The following PTCHD4 variants were observed in gnomAD, a reference collection of about 807,000 sequenced individuals.
The protein encoded by PTCHD4 is patched domain-containing protein 4.
Under a neutral mutation model 58.1 loss-of-function variants are expected in PTCHD4, and 33 were observed. That is an observed-to-expected ratio of 0.57 (90% CI 0.43 to 0.76). PTCHD4 has a LOEUF of 0.76. Among genes scored for constraint, PTCHD4 ranks in the 30% least tolerant of loss-of-function variants. PTCHD4 has a pLI of 0.00. For synonymous variants in PTCHD4, 478 were observed against 409.6 expected (o/e 1.17, Z -2.02); for missense variants, 1,058 against 1,027.1 (o/e 1.03, Z -0.41).
intron 4 of PTCHD4, among the ~76,000 whole-genome samples, chr6:47,886,858 A>C (rs759113145): frequency 6.6e-6 from 1 of 152,058 alleles, no homozygotes; most frequent in Non-Finnish European, 1.5e-5. Flanking sequence ...GATCTCTAAC[A>C]CTTTCCGCTT....
At position 47,972,784 on chromosome 6, in the gene PTCHD4, T is replaced by C. The variant is rs555928670; in HGVS notation, c.898+35850A>G. Among the ~76,000 whole-genome samples the C allele has an allele frequency of 5.3e-5, 8 of 152,194 alleles. No homozygotes were observed. In the South Asian group the frequency reaches 1.4e-3, roughly 28 times the overall value. ...TAATGTTAATGATGATGCTTCTAAG[T>C]GATGAGACTTGGAATTATTTTTTAC... On this transcript the variant is annotated intron_variant, in intron 4 of 4. Transcript: ENST00000339488.
intron 4 of PTCHD4, chr6:47,901,402 C>A: frequency 1.0e-6 from 1 of 966,798 alleles, no homozygotes. Context: ...TCCTTTAAAT[C>A]TCAAACACGA....
In PTCHD4 at chr6:47,872,019, C is replaced by T. The variant is rs553504838; in HGVS notation, c.*6284G>A. Among the ~76,000 whole-genome samples, 6 of 150,950 alleles carry T rather than the reference C, an allele frequency of 4.0e-5. No individual in the cohort carries two copies. The highest frequency in any genetic ancestry group is 2.0e-4 in the East Asian group (1 of 5,088). ...TGTACCAGGAGATGCAAGAATATGACGGCTTATTCTTTTTTTTTTTTCCCC... is the reference window on the plus strand; with the variant it reads ...TGTACCAGGAGATGCAAGAATATGATGGCTTATTCTTTTTTTTTTTTCCCC... On this transcript the variant is annotated 3_prime_UTR_variant, in exon 5 of 5. Transcript: ENST00000339488.
intron 3 of PTCHD4, among the ~76,000 whole-genome samples, chr6:48,060,744 G>C (rs1297962994): frequency 6.6e-6 from 1 of 152,172 alleles, no homozygotes; most frequent in Non-Finnish European, 1.5e-5. Flanking sequence ...CAAAGTGTTG[G>C]GATTGCAGGC....
chr6:48,067,636 T>C (rs370517259), intron 3 of PTCHD4, among the ~76,000 whole-genome samples: 2 of 152,078 alleles, frequency 1.3e-5, no homozygotes, highest in East Asian at 1.9e-4. Context: ...AGGCTGAAGA[T>C]GTAAATAGGT....
At chr6:48,060,619 G>A (rs900100923) in intron 3 of PTCHD4, among the ~76,000 whole-genome samples, 8 of 152,146 alleles carry the variant, frequency 5.3e-5, no homozygotes, top group Admixed American at 1.3e-4. Context: ...GTCCACAGGT[G>A]TGTACCACCA....
chr6:47,884,989 CGA>C (rs1164561141), intron 4 of PTCHD4, among the ~76,000 whole-genome samples: 2 of 152,034 alleles, frequency 1.3e-5, no homozygotes, highest in African/African-American at 4.8e-5. Context: ...ACTGCTATAG[CGA>C]GCTGGTATAC....
chr6:48,032,337 A>G (rs1302661524), intron 3 of PTCHD4, among the ~76,000 whole-genome samples: 2 of 152,110 alleles, frequency 1.3e-5, no homozygotes, highest in African/African-American at 4.8e-5. Context: ...TGTAAAGAGT[A>G]GCTTGATTAT....
At chr6:48,019,597 G>T (rs1214977838) in intron 3 of PTCHD4, among the ~76,000 whole-genome samples, 1 of 151,976 alleles carries the variant, frequency 6.6e-6, no homozygotes, top group African/African-American at 2.4e-5. Context: ...TTAGCTGGGC[G>T]TGGTGGGGGG....
intron 3 of PTCHD4, among the ~76,000 whole-genome samples, chr6:48,041,087 G>T (rs1763830064): frequency 6.6e-6 from 1 of 151,978 alleles, no homozygotes; most frequent in Non-Finnish European, 1.5e-5. Context: ...AGTTTCTTTG[G>T]ATTACAGTGA....
intron 3 of PTCHD4, among the ~76,000 whole-genome samples, chr6:48,023,993 G>A (rs1206576625): frequency 6.6e-6 from 1 of 152,114 alleles, no homozygotes; most frequent in Non-Finnish European, 1.5e-5. Flanking sequence ...TTTGAATGCT[G>A]ACTTGAGCAC....
intron 3 of PTCHD4, among the ~76,000 whole-genome samples, chr6:48,058,909 A>T (rs1764513613): frequency 6.6e-6 from 1 of 152,206 alleles, no homozygotes; most frequent in Admixed American, 6.5e-5. Flanking sequence ...ATTAATGAGG[A>T]CTACCAAAAA....
At position 47,858,223 on chromosome 6, in the gene PTCHD4, A is replaced by T. The variant is rs559954953; in HGVS notation, c.*20080T>A. Among the ~76,000 whole-genome samples, 9 of 152,070 alleles carry T rather than the reference A, an allele frequency of 5.9e-5. No individual in the cohort carries two copies. The highest frequency in any genetic ancestry group is 5.9e-4 in the Admixed American group (9 of 15,240). ...TTTTCATAAACATACTTGATTTTATAGCAGGCACCCCCAATTTTGGATTCA... is the reference window on the plus strand; with the variant it reads ...TTTTCATAAACATACTTGATTTTATTGCAGGCACCCCCAATTTTGGATTCA... On this transcript the variant is annotated 3_prime_UTR_variant, in exon 5 of 5. Transcript: ENST00000339488.
At chr6:47,960,245 T>A (rs1767028370) in intron 4 of PTCHD4, among the ~76,000 whole-genome samples, 1 of 151,882 alleles carries the variant, frequency 6.6e-6, no homozygotes. Context: ...ACCGAGGAGA[T>A]AAGATAGAAT....
rs187864506 is a variant in PTCHD4 at position 48,019,721 on chromosome 6, G to A, written c.418-10607C>T. On this transcript the variant is annotated intron_variant, in intron 3 of 4. Transcript: ENST00000339488. ...ACTGCACTCCAGCCTGGGTGGCAGAGCGAGACTCCGTCTCAAAAAAAAAAA... is the reference window on the plus strand; with the variant it reads ...ACTGCACTCCAGCCTGGGTGGCAGAACGAGACTCCGTCTCAAAAAAAAAAA... Among the ~76,000 whole-genome samples, 222 of 149,352 alleles carry A rather than the reference G, an allele frequency of 1.5e-3. 1 individual carries two copies. Among genetic ancestry groups the A allele is most frequent in the African/African-American group, 5.2e-3 (211 of 40,490 alleles).
In PTCHD4 at chr6:47,869,249, T is replaced by G. The variant is rs1333020703; in HGVS notation, c.*9054A>C. ...GTGGTGCTGATAGCCCCTGAACAAT[T>G]ATGCCCCAGCTTGAAACTGTATAGC... On this transcript the variant is annotated 3_prime_UTR_variant, in exon 5 of 5. Transcript: ENST00000339488. Among the ~76,000 whole-genome samples the G allele has an allele frequency of 6.6e-6, 1 of 151,708 alleles. No homozygotes were observed. The highest frequency in any genetic ancestry group is 1.5e-5 in the Non-Finnish European group (1 of 67,798).
In PTCHD4 at chr6:47,864,099, A is replaced by C. The variant is rs1319258478; in HGVS notation, c.*14204T>G. Among the ~76,000 whole-genome samples the C allele has an allele frequency of 1.3e-5, 2 of 151,920 alleles. No homozygotes were observed. The highest frequency in any genetic ancestry group is 2.9e-5 in the Non-Finnish European group (2 of 67,902). On this transcript the variant is annotated 3_prime_UTR_variant, in exon 5 of 5. Coordinates refer to ENST00000339488, the MANE Select transcript of PTCHD4 (RefSeq NM_001384253.1). ...TAGATTTCAGAGATTTTCAAAGTCC[A>C]AGTGTGGTTCCTCAGACTAGTAGCA...
chr6:47,925,420 A>G (rs1484853545), intron 4 of PTCHD4, among the ~76,000 whole-genome samples: 1 of 152,176 alleles, frequency 6.6e-6, no homozygotes, highest in African/African-American at 2.4e-5. Flanking sequence ...CCATCTATAG[A>G]CAGAGTTACA....
At chr6:48,049,311 A>G (rs535072279) in intron 3 of PTCHD4, among the ~76,000 whole-genome samples, 6 of 124,614 alleles carry the variant, frequency 4.8e-5, no homozygotes, top group African/African-American at 1.8e-4. Flanking sequence ...AGGTCAAGAA[A>G]CCCTGACCTA....
Sources: gnomAD v4.1 joint callset for allele counts (sites outside exome capture counted in the v4.1 genomes callset) on GRCh38, gnomAD v4.1.1 for gene constraint, MANE v1.5 for transcripts, NCBI Gene and HGNC (gene_info 2026-07-23, HGNC 2026-07-21) for gene names.